Variants in PCDHGC4 observed in about 807,000 individuals in gnomAD.
PCDHGC4 encodes the protein protocadherin gamma-C4.
In PCDHGC4, 15 loss-of-function variants were observed where a neutral mutation model predicts 59.7. That is an observed-to-expected ratio of 0.25 (90% CI 0.17 to 0.39). The LOEUF is 0.39. Among genes scored for constraint, PCDHGC4 ranks in the 10% least tolerant of loss-of-function variants. The pLI, the probability that PCDHGC4 is intolerant of heterozygous loss-of-function variation, is 1.00. For synonymous variants in PCDHGC4, 434 were observed against 481.4 expected, an observed-to-expected ratio of 0.90 and a Z score of 1.29; for missense variants, 1,016 against 1,189.5, an observed-to-expected ratio of 0.85 and a Z score of 2.15.
chr5:141,505,577 G>A lies in PCDHGC4; in HGVS notation c.2590+96G>A, dbSNP rs537948666. 8.2e-6 allele frequency: 13 copies of A among 1,589,854 alleles called. No homozygotes were observed. The African/African-American group carries it at 1.1e-4, about 13-fold the overall frequency. Reference sequence around the variant, plus strand: ...TGCCCACGGACTGGATGTCAAACCTGTGTAGTTTCTCCAGATCTTTCGGCA... The same window carrying A: ...TGCCCACGGACTGGATGTCAAACCTATGTAGTTTCTCCAGATCTTTCGGCA... On this transcript the variant is annotated intron_variant, in intron 3 of 3. Coordinates refer to ENST00000306593, the MANE Select transcript of PCDHGC4 (RefSeq NM_018928.3).
chr5:141,489,210 G>C lies in PCDHGC4; in HGVS notation c.2442+1595G>C. ...TCTACCTTGGAGACAGGACAGCACA[G>C]ACTTACTCTCCACAAAGGGACTTCT... On this transcript the variant is annotated intron_variant, in intron 1 of 3. Coordinates refer to ENST00000306593, the MANE Select transcript of PCDHGC4 (RefSeq NM_018928.3). This position sits in a 1 kb window ranked among gnomAD's most constrained non-coding sequence, Gnocchi z 4.5. 6.8e-7 allele frequency: 1 copy of C among 1,461,860 alleles called. No individual in the cohort carries two copies. Among genetic ancestry groups the C allele is most frequent in the African/African-American group, 1.4e-5 (1 of 70,802 alleles). 90.6% of individuals were successfully genotyped at this position (1,461,860 alleles called of 1,614,324 possible).
rs1407016089 is a variant in PCDHGC4 at position 141,489,914 on chromosome 5, C to T, written c.2442+2299C>T. On this transcript the variant is annotated intron_variant, in intron 1 of 3. Coordinates refer to ENST00000306593, the MANE Select transcript of PCDHGC4 (RefSeq NM_018928.3). The surrounding 1 kb of genome is among the most constrained non-coding windows in gnomAD (Gnocchi z 4.5). Reference sequence around the variant, plus strand: ...GGGGGGACCCCAGCCCGCTCAGGGACCACCCTTATCTCTGTCATCGTGCTG... The same window carrying T: ...GGGGGGACCCCAGCCCGCTCAGGGATCACCCTTATCTCTGTCATCGTGCTG... 3 of 1,614,094 alleles carry T rather than the reference C, an allele frequency of 1.9e-6. No individual in the cohort carries two copies. Among genetic ancestry groups the T allele is most frequent in the African/African-American group, 2.7e-5 (2 of 74,936 alleles).
intron 2 of PCDHGC4, among the ~76,000 whole-genome samples, chr5:141,498,962 A>G (rs1257746192): frequency 8.0e-6 from 1 of 124,866 alleles, no homozygotes; most frequent in Non-Finnish European, 1.7e-5. Context: ...AGAGAGAGGG[A>G]GGGAGGGAGG....
At position 141,491,660 on chromosome 5, in the gene PCDHGC4, C is replaced by A; in HGVS notation, c.2443-3147C>A. ...ACAGCTCTGGCGCTGGAGCCTGACGCCATCCGGTCCCGCTCTAATACGCTG... is the reference window on the plus strand; with the variant it reads ...ACAGCTCTGGCGCTGGAGCCTGACGACATCCGGTCCCGCTCTAATACGCTG... On this transcript the variant is annotated intron_variant, in intron 1 of 3. Transcript: ENST00000306593. The surrounding 1 kb of genome is among the most constrained non-coding windows in gnomAD (Gnocchi z 6.9). The A allele has an allele frequency of 6.2e-7, 1 of 1,613,810 alleles. No individual in the cohort carries two copies. The highest frequency in any genetic ancestry group is 8.5e-7 in the Non-Finnish European group (1 of 1,180,008).
intron 2 of PCDHGC4, among the ~76,000 whole-genome samples, chr5:141,503,292 A>T (rs7710319): frequency 0.52 from 78,681 of 151,966 alleles, 21,044 homozygotes; most frequent in African/African-American, 0.62. Flanking sequence ...TGGTACATAG[A>T]AATTGCTCAA....
chr5:141,491,612 G>A lies in PCDHGC4; in HGVS notation c.2443-3195G>A, dbSNP rs759955730. ...GACGGCAGTGACTTCACTTTTCTAAGACCCCTCAGCGTTCAGCAGCCCACA... is the reference window on the plus strand; with the variant it reads ...GACGGCAGTGACTTCACTTTTCTAAAACCCCTCAGCGTTCAGCAGCCCACA... On this transcript the variant is annotated intron_variant, in intron 1 of 3. Coordinates refer to ENST00000306593, the MANE Select transcript of PCDHGC4 (RefSeq NM_018928.3). The surrounding 1 kb of genome is among the most constrained non-coding windows in gnomAD (Gnocchi z 6.9). 6.2e-7 allele frequency: 1 copy of A among 1,613,906 alleles called. No individual in the cohort carries two copies. The highest frequency in any genetic ancestry group is 8.5e-7 in the Non-Finnish European group (1 of 1,180,026).
At chr5:141,498,980 GGAAGGAA>G in intron 2 of PCDHGC4, among the ~76,000 whole-genome samples, 1 of 44,970 alleles carries the variant, frequency 2.2e-5, no homozygotes, top group South Asian at 1.0e-3. Context: ...AGGGAAGGAA[GGAAGGAA>G]GGAAGGAAGG....
rs760070878 is a variant in PCDHGC4, at chr5:141,490,862, C to T, written c.2442+3247C>T. On this transcript the variant is annotated intron_variant, in intron 1 of 3. Coordinates refer to ENST00000306593, the MANE Select transcript of PCDHGC4 (RefSeq NM_018928.3). This position sits in a 1 kb window ranked among gnomAD's most constrained non-coding sequence, Gnocchi z 5.4. ...GTGGTGGGGGTTCGAGACTCCGGCTCTCCCCCATTGCATGCCAACACATCT... is the reference window on the plus strand; with the variant it reads ...GTGGTGGGGGTTCGAGACTCCGGCTTTCCCCCATTGCATGCCAACACATCT... 2.0e-5 allele frequency: 33 copies of T among 1,613,878 alleles called. No individual in the cohort carries two copies. Among genetic ancestry groups the T allele is most frequent in the Non-Finnish European group, 2.8e-5 (33 of 1,179,920 alleles).
In PCDHGC4 at chr5:141,490,309, A is replaced by G. The variant is rs1485303337; in HGVS notation, c.2442+2694A>G. On this transcript the variant is annotated intron_variant, in intron 1 of 3. Transcript: ENST00000306593. The surrounding 1 kb of genome is among the most constrained non-coding windows in gnomAD (Gnocchi z 5.4). ...AGAGGTGCTATTGGCCTCTTTGGCCAACCCTGTCCTAGAGAGCACACCAGT... is the reference window on the plus strand; with the variant it reads ...AGAGGTGCTATTGGCCTCTTTGGCCGACCCTGTCCTAGAGAGCACACCAGT... The G allele has an allele frequency of 2.8e-5, 46 of 1,614,126 alleles. No homozygotes were observed. Among genetic ancestry groups the G allele is most frequent in the Non-Finnish European group, 3.8e-5 (45 of 1,180,056 alleles).
chr5:141,501,447 A>G (rs1483189279), intron 2 of PCDHGC4, among the ~76,000 whole-genome samples: 1 of 151,816 alleles, frequency 6.6e-6, no homozygotes, highest in Middle Eastern at 3.2e-3. Flanking sequence ...TTCCATTTTT[A>G]CTTTTCACTA....
chr5:141,512,275 A>G lies in PCDHGC4; in HGVS notation c.*1102A>G, dbSNP rs368275103. 1 of 152,730 alleles carries G rather than the reference A, an allele frequency of 6.5e-6. No individual in the cohort carries two copies. The highest frequency in any genetic ancestry group is 2.1e-4 in the South Asian group (1 of 4,824). The allele number at this position is 152,730 out of a possible 1,614,324, so 9.5% of individuals were successfully genotyped here. ...GGGTGCTGGGTACTCCAGAGGTGCC[A>G]CTGGTGGAAGGGTCAGCGGAGCCCC... On this transcript the variant is annotated 3_prime_UTR_variant, in exon 4 of 4. Transcript: ENST00000306593.
rs1311776295 is a variant in PCDHGC4, at chr5:141,487,582, C to G, written c.2409C>G (p.Ser803Arg). 1.2e-6 allele frequency: 2 copies of G among 1,614,088 alleles called. No homozygotes were observed. The highest frequency in any genetic ancestry group is 2.7e-5 in the African/African-American group (2 of 74,934). ...APMAGEPVRP[S>R]CPPSDLLYGL... ...TGGCAGGGGAGCCTGTTCGCCCAAG[C>G]TGCCCACCCTCTGATCTTCTCTATG... is the stretch of plus-strand genomic sequence containing the variant. The change falls in exon 1 of 4, where the codon AGC becomes AGG. Residue 803 changes from serine to arginine, a missense_variant. By Grantham distance (110) the Ser-to-Arg change is moderately radical (BLOSUM62 -1). Transcript: ENST00000306593. The surrounding 1 kb of genome is among the most constrained non-coding windows in gnomAD (Gnocchi z 5.0).
chr5:141,486,653 C>G lies in PCDHGC4; in HGVS notation c.1480C>G (p.Leu494Val). The change falls in exon 1 of 4, where the codon CTC becomes GTC. Residue 494 changes from leucine to valine, a missense_variant. Leu to Val is a conservative substitution (Grantham distance 32, BLOSUM62 1). Transcript: ENST00000306593. This position sits in a 1 kb window ranked among gnomAD's most constrained non-coding sequence, Gnocchi z 5.0. ...CTTGAATGCGCTTATCTCCTACTCA[C>G]TCCTGGAGCCCAGGAATCGAGATGT... is the stretch of plus-strand genomic sequence containing the variant. ...SGLNALISYS[L>V]LEPRNRDVSA... 1 of 1,613,968 alleles carries G rather than the reference C, an allele frequency of 6.2e-7. No individual in the cohort carries two copies. Among genetic ancestry groups the G allele is most frequent in the Non-Finnish European group, 8.5e-7 (1 of 1,180,034 alleles).
chr5:141,491,071 C>A lies in PCDHGC4; in HGVS notation c.2442+3456C>A, dbSNP rs987564933. ...TGCGTGGCTCTCCTACTCACTGTTG[C>A]CACAGTCCACAGCCCCAGGACTGTT... On this transcript the variant is annotated intron_variant, in intron 1 of 3. Transcript: ENST00000306593. This position sits in a 1 kb window ranked among gnomAD's most constrained non-coding sequence, Gnocchi z 6.9. 2 of 1,614,034 alleles carry A rather than the reference C, an allele frequency of 1.2e-6. No individual in the cohort carries two copies. The highest frequency in any genetic ancestry group is 1.7e-6 in the Non-Finnish European group (2 of 1,180,036).
Position 141,486,226 on chromosome 5 carries a change from A to G in PCDHGC4, c.1053A>G (p.Thr351=), listed in dbSNP as rs889500362. 5.0e-6 allele frequency: 8 copies of G among 1,614,012 alleles called. No individual in the cohort carries two copies. The highest frequency in any genetic ancestry group is 6.8e-6 in the Non-Finnish European group (8 of 1,180,018). The change falls in exon 1 of 4, where the codon ACA becomes ACG. Residue 351 remains threonine (T), a synonymous_variant. Transcript: ENST00000306593. This position sits in a 1 kb window ranked among gnomAD's most constrained non-coding sequence, Gnocchi z 5.0. ...TAAATGACAATGCCCCTTACATCACAGTGACCTCAGAGCTTGGAACCCTCC... is the reference window on the plus strand; with the variant it reads ...TAAATGACAATGCCCCTTACATCACGGTGACCTCAGAGCTTGGAACCCTCC... The part of the protein sequence containing the change: ...LDVNDNAPYI[T]VTSELGTLPE...
Position 141,490,055 on chromosome 5 carries a change from G to A in PCDHGC4, c.2442+2440G>A, listed in dbSNP as rs746297447. The A allele has an allele frequency of 1.9e-6, 3 of 1,614,068 alleles. No individual in the cohort carries two copies. The Admixed American group carries it at 5.0e-5, about 27-fold the overall frequency. On this transcript the variant is annotated intron_variant, in intron 1 of 3. Transcript: ENST00000306593. This position sits in a 1 kb window ranked among gnomAD's most constrained non-coding sequence, Gnocchi z 5.4. ...CTCAATGCCACTGATCCAGACGAGG[G>A]CACCAACGGCCAACTAGACTATTCT...
At position 141,486,706 on chromosome 5, in the gene PCDHGC4, C is replaced by G; in HGVS notation, c.1533C>G (p.Asn511Lys). 6.2e-7 allele frequency: 1 copy of G among 1,614,154 alleles called. No homozygotes were observed. Among genetic ancestry groups the G allele is most frequent in the Non-Finnish European group, 8.5e-7 (1 of 1,180,024 alleles). ...CAGCTTCCTCTTTCATCTCTCTGAA[C>G]CCCCAGACAGGAGCTGTTCATGCTA... ...DVSASSFISL[N>K]PQTGAVHATR... The change falls in exon 1 of 4, where the codon AAC (asparagine) becomes AAG (lysine). Residue 511 changes from asparagine to lysine, a missense_variant. Coordinates refer to ENST00000306593, the MANE Select transcript of PCDHGC4 (RefSeq NM_018928.3). This position sits in a 1 kb window ranked among gnomAD's most constrained non-coding sequence, Gnocchi z 5.0.
Position 141,485,751 on chromosome 5 carries a change from A to G in PCDHGC4, c.578A>G (p.Glu193Gly). ...CGCAGCGACGGCAGCCTGGTCCCAG[A>G]GCTGCTCCTGGAGAAGCCTTTGGAT... is the stretch of plus-strand genomic sequence containing the variant. The part of the protein sequence containing the change: ...KKRSDGSLVP[E>G]LLLEKPLDRE... Residue 193 changes from glutamate (E) to glycine (G), a missense_variant, in exon 1 of 4, where the codon GAG (glutamate) becomes GGG (glycine). Glu to Gly is a moderately conservative substitution (Grantham distance 98). Coordinates refer to ENST00000306593, the MANE Select transcript of PCDHGC4 (RefSeq NM_018928.3). This position sits in a 1 kb window ranked among gnomAD's most constrained non-coding sequence, Gnocchi z 5.7. 6.2e-7 allele frequency: 1 copy of G among 1,614,166 alleles called. No individual in the cohort carries two copies. Among genetic ancestry groups the G allele is most frequent in the Non-Finnish European group, 8.5e-7 (1 of 1,179,998 alleles).
At position 141,490,370 on chromosome 5, in the gene PCDHGC4, G is replaced by A. The variant is rs768474199; in HGVS notation, c.2442+2755G>A. Reference sequence around the variant, plus strand: ...GTGGGGTTGTTTAATGTGCGAGACCGGGACTCAGGTAGAAATGGTGAAGTG... The same window carrying A: ...GTGGGGTTGTTTAATGTGCGAGACCAGGACTCAGGTAGAAATGGTGAAGTG... On this transcript the variant is annotated intron_variant, in intron 1 of 3. Coordinates refer to ENST00000306593, the MANE Select transcript of PCDHGC4 (RefSeq NM_018928.3). The surrounding 1 kb of genome is among the most constrained non-coding windows in gnomAD (Gnocchi z 5.4). 32 of 1,614,054 alleles carry A rather than the reference G, an allele frequency of 2.0e-5. No homozygotes were observed. The highest frequency in any genetic ancestry group is 1.0e-4 in the Admixed American group (6 of 60,006).
Sources: allele counts gnomAD v4.1 joint callset (sites outside exome capture counted in the v4.1 genomes callset), GRCh38; gene constraint gnomAD v4.1.1; non-coding constraint Gnocchi (gnomAD v3.1); transcripts MANE v1.5; gene names NCBI Gene and HGNC (gene_info 2026-07-23, HGNC 2026-07-21).